EXOC4: variants seen among roughly 807,000 people sequenced by gnomAD.
EXOC4 encodes exocyst complex component 4.
EXOC4 carries 71 observed loss-of-function variants against 107.2 expected under a neutral mutation model. That is an observed-to-expected ratio of 0.66 (90% CI 0.55 to 0.81). The LOEUF (loss-of-function observed/expected upper bound fraction) is 0.81, where lower values mean the gene tolerates loss of function less well. Ranked by LOEUF, EXOC4 falls within the 30% of genes least tolerant of loss-of-function variation. EXOC4 has a pLI of 0.00. For synonymous variants in EXOC4, 456 were observed against 441.2 expected, an observed-to-expected ratio of 1.03 and a Z score of -0.42; for missense variants, 1,108 against 1,189.6, an observed-to-expected ratio of 0.93 and a Z score of 1.01.
At chr7:133,688,784 A>G (rs1435096234) in intron 10 of EXOC4, among the ~76,000 whole-genome samples, 1 of 151,894 alleles carries the variant, frequency 6.6e-6, no homozygotes, top group African/African-American at 2.4e-5. Flanking sequence ...AAGTGTTGAC[A>G]TTTATATTAC....
At chr7:133,798,392 A>G (rs376360165) in intron 10 of EXOC4, among the ~76,000 whole-genome samples, 1 of 152,316 alleles carries the variant, frequency 6.6e-6, no homozygotes, top group South Asian at 2.1e-4. Flanking sequence ...TATCACTTTT[A>G]TCACACAAAC....
intron 10 of EXOC4, among the ~76,000 whole-genome samples, chr7:133,759,090 G>A (rs578099478): frequency 2.6e-5 from 4 of 152,062 alleles, no homozygotes; most frequent in African/African-American, 4.8e-5. Context: ...AAACCCCTAC[G>A]GGCACACCTC....
rs114427549 is a variant in EXOC4, at chr7:133,341,269, A to C, written c.764-15061A>C. 7.1e-3 allele frequency among the ~76,000 whole-genome samples: 1,085 copies of C among 152,272 alleles called. 15 individuals carry two copies. Among genetic ancestry groups the C allele is most frequent in the African/African-American group, 0.025 (1,029 of 41,566 alleles). On this transcript the variant is annotated intron_variant, in intron 5 of 17. Transcript: ENST00000253861. ...CAGTTCAAAGAATTTTCAGATTTCC[A>C]TCTTGATTTCCTTGTTGATGCAAAG...
At chr7:133,294,392 C>A (rs1198991740) in intron 3 of EXOC4, among the ~76,000 whole-genome samples, 3 of 152,110 alleles carry the variant, frequency 2.0e-5, no homozygotes, top group African/African-American at 7.2e-5. Flanking sequence ...TAATTGCATT[C>A]AATCAGTGGA....
chr7:133,466,472 A>C (rs1392515503), intron 7 of EXOC4, among the ~76,000 whole-genome samples: 1 of 152,210 alleles, frequency 6.6e-6, no homozygotes, highest in Non-Finnish European at 1.5e-5. Flanking sequence ...AAACAGACCA[A>C]TTTCTACAAA....
chr7:133,869,880 A>G (rs889394528), intron 11 of EXOC4, among the ~76,000 whole-genome samples: 6 of 152,178 alleles, frequency 3.9e-5, no homozygotes, highest in African/African-American at 1.2e-4. Flanking sequence ...TCCCAGTTCA[A>G]TCCACAGCTT....
chr7:133,757,097 G>GT (rs1418910979), intron 10 of EXOC4, among the ~76,000 whole-genome samples: 2 of 152,148 alleles, frequency 1.3e-5, no homozygotes, highest in Non-Finnish European at 1.5e-5. Flanking sequence ...TTTTCTGTGC[G>GT]TAAGTGGCTG....
intron 9 of EXOC4, among the ~76,000 whole-genome samples, chr7:133,529,462 A>T (rs1217475810): frequency 6.6e-6 from 1 of 152,176 alleles, no homozygotes; most frequent in East Asian, 1.9e-4. Flanking sequence ...TTTATTTTAT[A>T]TCAGATGCTT....
intron 17 of EXOC4, among the ~76,000 whole-genome samples, chr7:134,058,925 G>T: frequency 6.6e-6 from 1 of 152,074 alleles, no homozygotes; most frequent in East Asian, 1.9e-4. Context: ...CTATTTAAAA[G>T]GATTGAAATG....
intron 14 of EXOC4, among the ~76,000 whole-genome samples, chr7:133,965,682 A>G (rs189865383): frequency 6.6e-6 from 1 of 152,216 alleles, no homozygotes; most frequent in Non-Finnish European, 1.5e-5. Flanking sequence ...CCATTGGTCT[A>G]TATCTCTGTT....
intron 11 of EXOC4, among the ~76,000 whole-genome samples, chr7:133,845,970 A>G (rs1486747932): frequency 6.6e-6 from 1 of 152,170 alleles, no homozygotes; most frequent in African/African-American, 2.4e-5. Context: ...TAATAAAACA[A>G]TAGACTTTGC....
chr7:133,854,447 C>T lies in EXOC4; in HGVS notation c.1734+36903C>T, dbSNP rs922891430. 4.0e-5 allele frequency among the ~76,000 whole-genome samples: 6 copies of T among 150,402 alleles called. No individual in the cohort carries two copies. The South Asian group carries it at 8.5e-4, about 21-fold the overall frequency. ...ACACACACACACACACACACACACA[C>T]ACATACATTTTAATCCTGTGCTTCA... On this transcript the variant is annotated intron_variant, in intron 11 of 17. Transcript: ENST00000253861.
At chr7:134,006,624 CTCTGA>C (rs1794648276) in intron 16 of EXOC4, among the ~76,000 whole-genome samples, 1 of 152,116 alleles carries the variant, frequency 6.6e-6, no homozygotes, top group Admixed American at 6.6e-5. Flanking sequence ...AAGCCCCGCA[CTCTGA>C]TCTAAACCTC....
chr7:133,683,268 G>A (rs1420255440), intron 10 of EXOC4, among the ~76,000 whole-genome samples: 1 of 152,100 alleles, frequency 6.6e-6, no homozygotes, highest in African/African-American at 2.4e-5. Flanking sequence ...AGGTCAACAG[G>A]CTTACTTTCA....
intron 9 of EXOC4, among the ~76,000 whole-genome samples, chr7:133,602,467 CT>C (rs1322494209): frequency 3.1e-4 from 47 of 152,172 alleles, no homozygotes; most frequent in African/African-American, 1.0e-3. Context: ...GCCCGTTGTG[CT>C]TTCTTGTCAG....
At chr7:134,027,836 A>G (rs1047260216) in intron 17 of EXOC4, among the ~76,000 whole-genome samples, 1 of 152,174 alleles carries the variant, frequency 6.6e-6, no homozygotes, top group Non-Finnish European at 1.5e-5. Flanking sequence ...GTAGGACCTT[A>G]GAGATGGTAT....
intron 10 of EXOC4, among the ~76,000 whole-genome samples, chr7:133,631,204 T>C (rs769568945): frequency 3.9e-5 from 6 of 152,136 alleles, no homozygotes; most frequent in Non-Finnish European, 7.4e-5. Context: ...CTCCTGGATT[T>C]ACTAAATGTT....
chr7:133,755,223 TATATATATATA>T (rs1479131957), intron 10 of EXOC4, among the ~76,000 whole-genome samples: 2 of 114,946 alleles, frequency 1.7e-5, no homozygotes, highest in African/African-American at 3.5e-5. Context: ...TGTGTGTGTG[TATATATATATA>T]ATATATATAA....
chr7:133,628,120 A>C (rs149634426), intron 9 of EXOC4, among the ~76,000 whole-genome samples: 50 of 150,912 alleles, frequency 3.3e-4, no homozygotes, highest in African/African-American at 1.2e-3. Context: ...GTAGATTGCT[A>C]GGGTTTTGAG....
Sources: allele counts gnomAD v4.1 joint callset (sites outside exome capture counted in the v4.1 genomes callset), GRCh38; gene constraint gnomAD v4.1.1; transcripts MANE v1.5; gene names NCBI Gene and HGNC (gene_info 2026-07-23, HGNC 2026-07-21).